The following HSPA4L variants were observed in gnomAD, a reference collection of about 807,000 sequenced individuals.
The protein encoded by HSPA4L is heat shock 70 kDa protein 4L.
Under a neutral mutation model 100.3 loss-of-function variants are expected in HSPA4L, and 48 were observed. That is an observed-to-expected ratio of 0.48 (90% CI 0.38 to 0.61). The LOEUF is 0.61. HSPA4L is among the 20% of genes least tolerant of loss of function. The probability of loss-of-function intolerance (pLI) is 0.00; values close to 1 mark genes in which losing one functional copy is unlikely to be tolerated. For synonymous variants in HSPA4L, 319 were observed against 328.2 expected (o/e 0.97, Z 0.30); for missense variants, 886 against 988.6 (o/e 0.90, Z 1.39).
chr4:127,808,154 A>G, intron 11 of HSPA4L, 25 bp downstream of exon 11: 2 of 1,573,378 alleles, frequency 1.3e-6, no homozygotes, highest in Non-Finnish European at 1.7e-6. Flanking sequence ...AGTTCTCCAT[A>G]ACATTTTGGC....
At chr4:127,782,318 C>A (rs1732577360), upstream of HSPA4L, 1 of 517,676 alleles carries the variant, frequency 1.9e-6, no homozygotes, top group Non-Finnish European at 3.4e-6. Flanking sequence ...GGCGGCCGAA[C>A]CGCAGTAGGG....
At chr4:127,785,918 A>G (rs1313933246) in intron 1 of HSPA4L, among the ~76,000 whole-genome samples, 1 of 152,240 alleles carries the variant, frequency 6.6e-6, no homozygotes, top group African/African-American at 2.4e-5. Flanking sequence ...GTAAATTCCT[A>G]GAAGTAGAAT....
At chr4:127,806,688 C>G (rs2148787961) in intron 10 of HSPA4L, among the ~76,000 whole-genome samples, 1 of 151,884 alleles carries the variant, frequency 6.6e-6, no homozygotes, top group East Asian at 1.9e-4. Context: ...TGCTTCCCTA[C>G]CAGAATCAAA....
At chr4:127,784,627 CACTT>C (rs1420898834) in intron 1 of HSPA4L, among the ~76,000 whole-genome samples, 4 of 152,228 alleles carry the variant, frequency 2.6e-5, no homozygotes, top group African/African-American at 7.2e-5. Context: ...TGGGCACTGT[CACTT>C]ACCTCAGAAG....
chr4:127,794,046 A>T (rs1370247075), intron 1 of HSPA4L, 31 bp from the exon 2 acceptor site: 1 of 1,535,586 alleles, frequency 6.5e-7, no homozygotes, highest in Admixed American at 1.8e-5. Flanking sequence ...TAAAAGTACC[A>T]TGGAACAAAC....
At chr4:127,790,685 T>C (rs977409812) in intron 1 of HSPA4L, among the ~76,000 whole-genome samples, 1 of 152,248 alleles carries the variant, frequency 6.6e-6, no homozygotes, top group Non-Finnish European at 1.5e-5. Context: ...GTGACTGTCC[T>C]GTCCCCAAAC....
intron 7 of HSPA4L, 42 bp downstream of exon 7, chr4:127,803,915 TATA>T (rs1395779617): frequency 6.2e-7 from 1 of 1,607,884 alleles, no homozygotes; most frequent in South Asian, 1.1e-5. Flanking sequence ...TTACTTATTT[TATA>T]ATGTTTAGAT....
chr4:127,824,150 T>C (rs1385714987), intron 16 of HSPA4L, among the ~76,000 whole-genome samples: 4 of 152,226 alleles, frequency 2.6e-5, no homozygotes, highest in African/African-American at 9.6e-5. Flanking sequence ...CAGGTTCATC[T>C]AAGTTGTCTC....
chr4:127,833,044 C>T lies in HSPA4L; in HGVS notation c.*170C>T. On this transcript the variant is annotated 3_prime_UTR_variant, in exon 19 of 19. Transcript: ENST00000296464. ...TATTGAGTGCACTTCTGTTCATTTC[C>T]ATTGCTGCTTATATGCAGTGTTAGC... The T allele has an allele frequency of 2.2e-6, 1 of 463,966 alleles. No homozygotes were observed. The highest frequency in any genetic ancestry group is 3.8e-6 in the Non-Finnish European group (1 of 266,186). 28.7% of individuals were successfully genotyped at this position (463,966 alleles called of 1,614,324 possible).
chr4:127,813,375 T>TTTTCTTTC (rs1733592537), intron 12 of HSPA4L: 1 of 551,634 alleles, frequency 1.8e-6, no homozygotes, highest in East Asian at 3.0e-5. Flanking sequence ...CTACTTCATT[T>TTTTCTTTC]AAGGACTGTG....
At chr4:127,788,367 A>T (rs1732776180) in intron 1 of HSPA4L, among the ~76,000 whole-genome samples, 1 of 152,234 alleles carries the variant, frequency 6.6e-6, no homozygotes, top group South Asian at 2.1e-4. Context: ...TTAAGTAGCA[A>T]GCTAGAAAGC....
intron 1 of HSPA4L, among the ~76,000 whole-genome samples, chr4:127,785,961 C>A (rs1045383137): frequency 3.3e-5 from 5 of 152,146 alleles, no homozygotes; most frequent in Non-Finnish European, 7.3e-5. Flanking sequence ...AGGCCTGGTA[C>A]ATGTCTGCAT....
chr4:127,793,821 T>C (rs752947013), intron 1 of HSPA4L, among the ~76,000 whole-genome samples: 11 of 152,164 alleles, frequency 7.2e-5, no homozygotes, highest in Non-Finnish European at 1.5e-4. Context: ...TCAGTGTAAT[T>C]TGAAAAACAA....
intron 12 of HSPA4L, chr4:127,813,245 T>C (rs892014478): frequency 6.7e-6 from 6 of 893,150 alleles, no homozygotes; most frequent in Middle Eastern, 2.5e-4. Flanking sequence ...GAAAGGCGAT[T>C]TTCTTTTATT....
At chr4:127,806,313 A>AT (rs1733356365) in intron 10 of HSPA4L, among the ~76,000 whole-genome samples, 2 of 152,070 alleles carry the variant, frequency 1.3e-5, no homozygotes, top group South Asian at 4.1e-4. Context: ...ATTAAGTCAT[A>AT]TTTTTGCTAT....
intron 1 of HSPA4L, among the ~76,000 whole-genome samples, chr4:127,790,153 G>A (rs974191357): frequency 6.6e-6 from 1 of 152,128 alleles, no homozygotes; most frequent in Non-Finnish European, 1.5e-5. Context: ...AGGAACCAGC[G>A]CTTAATGATA....
intron 16 of HSPA4L, among the ~76,000 whole-genome samples, chr4:127,823,984 T>C (rs930585083): frequency 1.3e-5 from 2 of 152,248 alleles, no homozygotes; most frequent in African/African-American, 4.8e-5. Flanking sequence ...TCAAATGTTG[T>C]GTCCTTTGAC....
Position 127,814,088 on chromosome 4 carries a change from TTGTC to T in HSPA4L, c.1578+2456_1578+2459del, listed in dbSNP as rs547854044. Among the ~76,000 whole-genome samples the T allele has an allele frequency of 5.2e-3, 790 of 152,302 alleles. 9 individuals carry two copies. Among genetic ancestry groups the T allele is most frequent in the African/African-American group, 0.017 (725 of 41,556 alleles). ...GGCAGTTCTTATTTGCTGCTTCTGTTTGTCTGTGAGCTGGAAATTCAGTTAACCA... is the reference window on the plus strand; with the variant it reads ...GGCAGTTCTTATTTGCTGCTTCTGTTTGTGAGCTGGAAATTCAGTTAACCA... On this transcript the variant is annotated intron_variant, in intron 12 of 18. Coordinates refer to ENST00000296464, the MANE Select transcript of HSPA4L (RefSeq NM_014278.4).
At chr4:127,811,135 CT>C (rs1207410727) in intron 11 of HSPA4L, among the ~76,000 whole-genome samples, 2 of 148,822 alleles carry the variant, frequency 1.3e-5, no homozygotes, top group Non-Finnish European at 3.0e-5. Context: ...TATGAGATAA[CT>C]TACTGCCTTT....
Sources: gnomAD v4.1 joint callset for allele counts (sites outside exome capture counted in the v4.1 genomes callset) on GRCh38, gnomAD v4.1.1 for gene constraint, MANE v1.5 for transcripts, NCBI Gene and HGNC (gene_info 2026-07-23, HGNC 2026-07-21) for gene names.